CACNA2D3: variants seen among roughly 807,000 people sequenced by gnomAD.
CACNA2D3 encodes calcium voltage-gated channel auxiliary subunit alpha2delta 3, also known as voltage-dependent calcium channel subunit alpha-2/delta-3.
A neutral mutation model predicts 160.6 loss-of-function variants in CACNA2D3; 60 were observed. The observed-to-expected ratio is 0.37, with a 90% CI of 0.30 to 0.46. The LOEUF is 0.46. Ranked by LOEUF, CACNA2D3 falls within the 20% of genes least tolerant of loss-of-function variation. The pLI is 1.00. For synonymous variants in CACNA2D3, 558 were observed against 492.9 expected (o/e 1.13, Z -1.75); for missense variants, 1,205 against 1,365.0 (o/e 0.88, Z 1.85).
At chr3:54,792,788 G>C (rs1702788034) in intron 13 of CACNA2D3, among the ~76,000 whole-genome samples, 1 of 152,120 alleles carries the variant, frequency 6.6e-6, no homozygotes, top group Non-Finnish European at 1.5e-5. Context: ...GCAAGATGGA[G>C]AGTTCTGATT....
At chr3:54,901,560 C>G (rs1041388130) in intron 27 of CACNA2D3, among the ~76,000 whole-genome samples, 12 of 152,114 alleles carry the variant, frequency 7.9e-5, no homozygotes, top group African/African-American at 2.9e-4. Flanking sequence ...AGGCAGGTCA[C>G]GAGACACAGT....
intron 4 of CACNA2D3, among the ~76,000 whole-genome samples, chr3:54,498,881 A>G (rs1406621932): frequency 1.3e-5 from 2 of 152,002 alleles, no homozygotes; most frequent in African/African-American, 4.8e-5. Flanking sequence ...TCTTTAGTCT[A>G]TTTGCAGGTA....
chr3:55,034,848 G>A (rs1181465104), intron 35 of CACNA2D3, among the ~76,000 whole-genome samples: 2 of 152,010 alleles, frequency 1.3e-5, no homozygotes, highest in African/African-American at 4.8e-5. Context: ...TCTTTACTCT[G>A]AAAACTCTGT....
chr3:54,214,367 A>C (rs779711279), intron 2 of CACNA2D3, among the ~76,000 whole-genome samples: 2 of 152,076 alleles, frequency 1.3e-5, no homozygotes, highest in Non-Finnish European at 2.9e-5. Context: ...TTGCTTGGTA[A>C]ATACAAAGAG....
At chr3:54,918,871 A>T (rs1575372630) in intron 27 of CACNA2D3, 1 of 1,552,352 alleles carries the variant, frequency 6.4e-7, no homozygotes. Flanking sequence ...TGATTCACAG[A>T]TGATGCCGTC....
intron 2 of CACNA2D3, among the ~76,000 whole-genome samples, chr3:54,299,173 A>AT (rs1315883490): frequency 6.6e-6 from 1 of 151,392 alleles, no homozygotes; most frequent in East Asian, 1.9e-4. Context: ...GAGTCATGAA[A>AT]TTCATGCGTC....
intron 3 of CACNA2D3, among the ~76,000 whole-genome samples, chr3:54,325,657 T>C (rs1704106569): frequency 6.6e-6 from 1 of 152,192 alleles, no homozygotes; most frequent in Non-Finnish European, 1.5e-5. Context: ...TATAGGATAG[T>C]ATCTGTTGTG....
At position 55,009,826 on chromosome 3, in the gene CACNA2D3, C is replaced by G. The variant is rs530202170; in HGVS notation, c.2875+383C>G. 7.8e-4 allele frequency among the ~76,000 whole-genome samples: 119 copies of G among 152,270 alleles called. 1 individual carries two copies. Among genetic ancestry groups the G allele is most frequent in the African/African-American group, 2.7e-3 (113 of 41,548 alleles). Reference sequence around the variant, plus strand: ...TTCTATTTCTGTTTTCACAGTTACCCTCATAGAACATAAATCTGACCACAT... The same window carrying G: ...TTCTATTTCTGTTTTCACAGTTACCGTCATAGAACATAAATCTGACCACAT... On this transcript the variant is annotated intron_variant, in intron 34 of 37. Transcript: ENST00000474759.
At chr3:54,489,830 C>G (rs1039991236) in intron 4 of CACNA2D3, among the ~76,000 whole-genome samples, 3 of 152,114 alleles carry the variant, frequency 2.0e-5, no homozygotes, top group African/African-American at 7.2e-5. Flanking sequence ...TATTCATTAC[C>G]TATTTTTTTT....
chr3:54,964,129 G>T (rs538887503), intron 27 of CACNA2D3, among the ~76,000 whole-genome samples: 26 of 152,100 alleles, frequency 1.7e-4, no homozygotes, highest in South Asian at 6.3e-4. Context: ...AGTATCTTGG[G>T]GTCGCTGTCC....
At chr3:54,708,516 G>T (rs1700895194) in intron 11 of CACNA2D3, among the ~76,000 whole-genome samples, 1 of 152,272 alleles carries the variant, frequency 6.6e-6, no homozygotes, top group Non-Finnish European at 1.5e-5. Context: ...CTGCCAAATT[G>T]GTTGTTTATA....
chr3:54,545,277 A>G (rs979456514), intron 5 of CACNA2D3, among the ~76,000 whole-genome samples: 3 of 152,230 alleles, frequency 2.0e-5, no homozygotes, highest in African/African-American at 7.2e-5. Context: ...TTCTTTTTAA[A>G]ACAATTTCAG....
At chr3:54,453,661 G>GCT (rs1700348196) in intron 4 of CACNA2D3, among the ~76,000 whole-genome samples, 1 of 152,054 alleles carries the variant, frequency 6.6e-6, no homozygotes, top group Admixed American at 6.5e-5. Flanking sequence ...TCTTGCTCTT[G>GCT]CTCTCTCTCT....
At chr3:54,437,769 T>C (rs1700082385) in intron 4 of CACNA2D3, among the ~76,000 whole-genome samples, 1 of 152,248 alleles carries the variant, frequency 6.6e-6, no homozygotes, top group South Asian at 2.1e-4. Context: ...TGGATGAACA[T>C]GAACTCTTGC....
intron 4 of CACNA2D3, among the ~76,000 whole-genome samples, chr3:54,472,864 C>A (rs1268773404): frequency 6.6e-6 from 1 of 152,142 alleles, no homozygotes; most frequent in Non-Finnish European, 1.5e-5. Context: ...GAACTACAAA[C>A]CACTGCTCAA....
At chr3:54,784,705 T>C (rs1287378944) in intron 13 of CACNA2D3, among the ~76,000 whole-genome samples, 1 of 152,106 alleles carries the variant, frequency 6.6e-6, no homozygotes, top group East Asian at 1.9e-4. Flanking sequence ...TAGAAGAAGA[T>C]GGGACAAATG....
At chr3:54,636,328 G>A (rs751707598) in intron 10 of CACNA2D3, among the ~76,000 whole-genome samples, 9 of 151,974 alleles carry the variant, frequency 5.9e-5, no homozygotes, top group African/African-American at 2.2e-4. Flanking sequence ...AGACACAGTC[G>A]TGGGGGTCAG....
At chr3:54,160,499 C>A (rs1022354546) in intron 2 of CACNA2D3, among the ~76,000 whole-genome samples, 5 of 151,538 alleles carry the variant, frequency 3.3e-5, no homozygotes, top group African/African-American at 9.7e-5. Context: ...GACTCTGTCT[C>A]AAAAAAAATA....
chr3:54,470,071 A>G (rs1224792203), intron 4 of CACNA2D3, among the ~76,000 whole-genome samples: 1 of 152,218 alleles, frequency 6.6e-6, no homozygotes, highest in African/African-American at 2.4e-5. Context: ...AATTTAGGAA[A>G]TACAGAGAAC....
Sources: allele counts gnomAD v4.1 joint callset (sites outside exome capture counted in the v4.1 genomes callset), GRCh38; gene constraint gnomAD v4.1.1; transcripts MANE v1.5; gene names NCBI Gene and HGNC (gene_info 2026-07-23, HGNC 2026-07-21).